SOX5: variants seen among roughly 807,000 people sequenced by gnomAD.
SOX5 encodes the protein transcription factor SOX-5.
In SOX5, 9 loss-of-function variants were observed where a neutral mutation model predicts 92.0. The ratio of observed to expected loss-of-function variants is 0.10; its 90% CI spans 0.06 to 0.17. The LOEUF is 0.17. SOX5 is among the 10% of genes least tolerant of loss of function. The pLI is 1.00. For missense variants in SOX5, 642 were observed against 944.5 expected (o/e 0.68, Z 4.20); for synonymous variants, 344 against 336.3 (o/e 1.02, Z -0.25).
At chr12:23,590,229 C>G (rs1346025088) in intron 9 of SOX5, among the ~76,000 whole-genome samples, 1 of 151,870 alleles carries the variant, frequency 6.6e-6, no homozygotes, top group Non-Finnish European at 1.5e-5. Flanking sequence ...ATTTCTGGAA[C>G]TGGGAGAAAG....
intron 3 of SOX5, among the ~76,000 whole-genome samples, chr12:23,823,637 A>G (rs970016266): frequency 1.4e-4 from 22 of 151,954 alleles, no homozygotes; most frequent in African/African-American, 4.4e-4. Context: ...TGTTTTCTGT[A>G]TTTCCTGAAT....
chr12:24,075,565 C>T (rs1401169546), intron 4 of SOX5, among the ~76,000 whole-genome samples: 1 of 152,016 alleles, frequency 6.6e-6, no homozygotes, highest in Non-Finnish European at 1.5e-5. Flanking sequence ...TCCAAAGCTG[C>T]CCAAAAGTTT....
chr12:24,035,984 G>C (rs60481732), intron 4 of SOX5, among the ~76,000 whole-genome samples: 2,517 of 152,090 alleles, frequency 0.017, 62 homozygotes, highest in African/African-American at 0.058. Context: ...CTTTTGTAAG[G>C]TGTGTGGGTG....
intron 1 of SOX5, among the ~76,000 whole-genome samples, chr12:24,550,448 G>A (rs985902973): frequency 3.3e-5 from 5 of 152,170 alleles, no homozygotes; most frequent in South Asian, 4.2e-4. Context: ...CCCTTTTAGA[G>A]ACCTCATCCT....
intron 11 of SOX5, among the ~76,000 whole-genome samples, chr12:23,560,705 A>C (rs1306336928): frequency 6.6e-6 from 1 of 152,254 alleles, no homozygotes; most frequent in Non-Finnish European, 1.5e-5. Context: ...GCTAATGTTG[A>C]ATAATTACTA....
At chr12:24,392,400 G>C (rs559650876) in intron 1 of SOX5, among the ~76,000 whole-genome samples, 1 of 152,226 alleles carries the variant, frequency 6.6e-6, no homozygotes. Flanking sequence ...ACCAGCAGCA[G>C]CTCTTTTAAC....
intron 4 of SOX5, among the ~76,000 whole-genome samples, chr12:24,048,069 G>T (rs1957222230): frequency 6.6e-6 from 1 of 152,092 alleles, no homozygotes; most frequent in African/African-American, 2.4e-5. Context: ...GGAGTAAAAA[G>T]TTAAGAAACA....
At chr12:23,897,131 T>G (rs746020822) in intron 1 of SOX5, among the ~76,000 whole-genome samples, 16 of 152,018 alleles carry the variant, frequency 1.1e-4, no homozygotes, top group Non-Finnish European at 1.9e-4. Context: ...AAACAAAGAG[T>G]GTTTACAAAA....
At chr12:24,030,712 AG>A (rs1955409574) in intron 4 of SOX5, among the ~76,000 whole-genome samples, 1 of 151,950 alleles carries the variant, frequency 6.6e-6, no homozygotes, top group Non-Finnish European at 1.5e-5. Context: ...CAAACTAAAA[AG>A]CTTCTGCATA....
chr12:24,155,533 A>C (rs964240463), intron 4 of SOX5, among the ~76,000 whole-genome samples: 1 of 152,182 alleles, frequency 6.6e-6, no homozygotes, highest in African/African-American at 2.4e-5. Context: ...TACAGAAAGC[A>C]AAATTAGCAA....
chr12:24,300,904 A>G (rs1236698885), intron 2 of SOX5, among the ~76,000 whole-genome samples: 1 of 152,218 alleles, frequency 6.6e-6, no homozygotes, highest in Non-Finnish European at 1.5e-5. Context: ...TTTAATTTGC[A>G]TCTATCAAGA....
chr12:23,667,258 T>C (rs2083966701), intron 6 of SOX5, among the ~76,000 whole-genome samples: 1 of 152,194 alleles, frequency 6.6e-6, no homozygotes, highest in African/African-American at 2.4e-5. Flanking sequence ...TTATTATTTG[T>C]ATATAAAGCA....
intron 2 of SOX5, among the ~76,000 whole-genome samples, chr12:24,335,247 T>C (rs1465708100): frequency 8.0e-6 from 1 of 125,434 alleles, no homozygotes; most frequent in African/African-American, 3.0e-5. Flanking sequence ...TACAACTTCC[T>C]TGTAGCTATT....
chr12:24,507,828 AATCTAAC>A (rs140367643), intron 1 of SOX5, among the ~76,000 whole-genome samples: 5,957 of 152,298 alleles, frequency 0.039, 162 homozygotes, highest in Non-Finnish European at 0.058. Context: ...AGTATGTCAA[AATCTAAC>A]ATTGAATATA....
intron 4 of SOX5, among the ~76,000 whole-genome samples, chr12:24,001,617 A>C (rs1951617894): frequency 6.6e-6 from 1 of 152,122 alleles, no homozygotes; most frequent in African/African-American, 2.4e-5. Context: ...CAGGAGTTCA[A>C]GACTAGTCTA....
intron 7 of SOX5, among the ~76,000 whole-genome samples, chr12:23,662,751 A>T (rs1389385510): frequency 6.6e-6 from 1 of 152,222 alleles, no homozygotes; most frequent in Non-Finnish European, 1.5e-5. Context: ...CAGAGATTTT[A>T]AAATTTATTT....
At chr12:23,992,198 A>C (rs1367850188) in intron 4 of SOX5, among the ~76,000 whole-genome samples, 1 of 152,194 alleles carries the variant, frequency 6.6e-6, no homozygotes, top group Non-Finnish European at 1.5e-5. Context: ...AACACCCTTA[A>C]AGGAAGTTGG....
intron 2 of SOX5, chr12:24,331,244 T>G (rs990642425): frequency 6.6e-6 from 1 of 152,210 alleles, no homozygotes; most frequent in Non-Finnish European, 1.5e-5. Flanking sequence ...CATTTGACTT[T>G]AGCAGTCTTC....
intron 4 of SOX5, among the ~76,000 whole-genome samples, chr12:24,024,405 C>T (rs1454421957): frequency 2.0e-5 from 3 of 151,986 alleles, no homozygotes; most frequent in Admixed American, 6.6e-5. Flanking sequence ...CTACATTGCA[C>T]TGTATCACAT....
Sources: allele counts gnomAD v4.1 joint callset (sites outside exome capture counted in the v4.1 genomes callset), GRCh38; gene constraint gnomAD v4.1.1; transcripts MANE v1.5; gene names NCBI Gene and HGNC (gene_info 2026-07-23, HGNC 2026-07-21).